Variants in SYTL2 observed in about 807,000 individuals in gnomAD.
SYTL2 encodes synaptotagmin like 2, also known as synaptotagmin-like protein 2.
In SYTL2, 165 loss-of-function variants were observed where a neutral mutation model predicts 198.7. That is an observed-to-expected ratio of 0.83 (90% confidence interval 0.73 to 0.94). SYTL2 has a LOEUF of 0.94. Among genes scored for constraint, SYTL2 ranks in the 40% least tolerant of loss-of-function variants. The probability of loss-of-function intolerance (pLI) is 0.00; values close to 1 mark genes in which losing one functional copy is unlikely to be tolerated. For synonymous variants in SYTL2, 966 were observed against 917.7 expected, an observed-to-expected ratio of 1.05 and a Z score of -0.95; for missense variants, 2,835 against 2,582.8, an observed-to-expected ratio of 1.10 and a Z score of -2.12.
chr11:85,727,517 T>A lies in SYTL2; in HGVS notation c.1841A>T (p.Lys614Ile). The A allele has an allele frequency of 4.6e-6, 7 of 1,536,068 alleles. No individual in the cohort carries two copies. The highest frequency in any genetic ancestry group is 6.1e-6 in the Non-Finnish European group (7 of 1,146,884). Residue 614 changes from lysine to isoleucine, a missense_variant, in exon 8 of 20, where the codon AAA (lysine) becomes ATA (isoleucine). Physicochemically the swap from Lys to Ile is moderately radical, Grantham distance 102. This residue lies in a region of SYTL2 where 2,645 missense variants were observed against 2,381.7 expected (regional missense o/e 1.11). Coordinates refer to ENST00000359152, the MANE Select transcript of SYTL2 (RefSeq NM_206927.4). ...CQDNNVNIKS[K>I]FMNLSQKGTP... ...GCCTTTTTGGGACAAATTCATGAAT[T>A]TGGATTTGATATTCACATTATTATC...
chr11:85,699,965 G>T (rs1046795712), intron 17 of SYTL2, among the ~76,000 whole-genome samples: 1 of 152,118 alleles, frequency 6.6e-6, no homozygotes, highest in Non-Finnish European at 1.5e-5. Context: ...AGAACACTCA[G>T]GTTCTATTCT....
At chr11:85,695,484 A>G (rs2083286182) in intron 19 of SYTL2, 144 bp from the exon 20 acceptor site, 2 of 563,348 alleles carry the variant, frequency 3.6e-6, no homozygotes, top group East Asian at 5.8e-5. Context: ...ACTCAACATA[A>G]GGAAGAACTG....
intron 1 of SYTL2, among the ~76,000 whole-genome samples, chr11:85,797,857 T>C (rs1218597069): frequency 6.6e-6 from 1 of 151,812 alleles, no homozygotes; most frequent in Non-Finnish European, 1.5e-5. Flanking sequence ...GTTGTTGTTG[T>C]TGTTCTTGCT....
the SYTL2 span, among the ~76,000 whole-genome samples, chr11:85,833,092 AAAGAAAGAAGG>A: frequency 1.1e-4 from 6 of 55,956 alleles, 2 homozygotes; most frequent in Non-Finnish European, 2.1e-4. Flanking sequence ...AGAAAGAAAG[AAAGAAAGAAGG>A]AAGGAAGGAA....
Position 85,711,206 on chromosome 11 carries a change from T to G in SYTL2, c.5652A>C (p.Ala1884=), listed in dbSNP as rs752184614. The change falls in exon 13 of 20, where the codon GCA becomes GCC. Residue 1884 remains alanine (A), a synonymous_variant. Transcript: ENST00000359152. ...DESDDRETDT[A]SESSYQLSRH... ...TGCTGAGCTGGTAACTGCTTTCTGA[T>G]GCTGTATCTGTTTCTCTGTCATCAC... The G allele has an allele frequency of 6.2e-7, 1 of 1,614,134 alleles. No homozygotes were observed. Among genetic ancestry groups the G allele is most frequent in the Non-Finnish European group, 8.5e-7 (1 of 1,179,962 alleles).
intron 4 of SYTL2, among the ~76,000 whole-genome samples, chr11:85,739,872 G>A (rs2090654806): frequency 6.6e-6 from 1 of 152,158 alleles, no homozygotes; most frequent in Admixed American, 6.5e-5. Context: ...CATTAAAGCA[G>A]TGGCTTGTGG....
chr11:85,705,996 A>T (rs2085080500), intron 15 of SYTL2, among the ~76,000 whole-genome samples: 1 of 152,224 alleles, frequency 6.6e-6, no homozygotes, highest in Non-Finnish European at 1.5e-5. Context: ...AGAAAGAGGG[A>T]ATGAACAACA....
chr11:85,749,947 G>A (rs559906131), intron 2 of SYTL2, among the ~76,000 whole-genome samples: 2 of 152,128 alleles, frequency 1.3e-5, no homozygotes, highest in African/African-American at 2.4e-5. Flanking sequence ...CAGAGTGGAG[G>A]AATATCAGAT....
intron 11 of SYTL2, chr11:85,715,269 T>C (rs1036365768): frequency 2.0e-5 from 3 of 152,148 alleles, no homozygotes; most frequent in Non-Finnish European, 4.4e-5. Flanking sequence ...GTTAGAAAAC[T>C]ATTTTCTTCT....
At chr11:85,845,423 G>A in the SYTL2 span, among the ~76,000 whole-genome samples, 1 of 152,120 alleles carries the variant, frequency 6.6e-6, no homozygotes, top group Non-Finnish European at 1.5e-5. Flanking sequence ...GTAATTTGTT[G>A]TGCAATAATA....
At chr11:85,785,632 A>G (rs1322590342) in intron 1 of SYTL2, among the ~76,000 whole-genome samples, 1 of 152,204 alleles carries the variant, frequency 6.6e-6, no homozygotes, top group African/African-American at 2.4e-5. Context: ...AGAATTAAAG[A>G]AGGTATACTC....
intron 8 of SYTL2, among the ~76,000 whole-genome samples, chr11:85,722,064 TTTAGG>T (rs2153456471): frequency 6.6e-6 from 1 of 152,252 alleles, no homozygotes; most frequent in East Asian, 1.9e-4. Context: ...AAAATAATAA[TTTAGG>T]TTAGAGTATA....
At chr11:85,771,321 G>T (rs931324642) in intron 1 of SYTL2, among the ~76,000 whole-genome samples, 6 of 152,212 alleles carry the variant, frequency 3.9e-5, no homozygotes, top group African/African-American at 1.4e-4. Flanking sequence ...TCTTAAAATG[G>T]AAACTTGGCA....
At chr11:85,804,822 C>T (rs755968283) in intron 1 of SYTL2, among the ~76,000 whole-genome samples, 1 of 152,180 alleles carries the variant, frequency 6.6e-6, no homozygotes, top group Non-Finnish European at 1.5e-5. Flanking sequence ...AGCAGTAGAT[C>T]TATCATATTT....
At position 85,718,844 on chromosome 11, in the gene SYTL2, C is replaced by T. The variant is rs934800258; in HGVS notation, c.5429-1G>A. On this transcript the variant is annotated splice_acceptor_variant, in intron 9 of 19. Transcript: ENST00000359152. LOFTEE classifies it high-confidence loss of function. Reference sequence around the variant, plus strand: ...GGCTGATTATCTACTTTTGCTTGATCTGTTCAGAAGAAATTAACAAATGGT... The same window carrying T: ...GGCTGATTATCTACTTTTGCTTGATTTGTTCAGAAGAAATTAACAAATGGT... The T allele has an allele frequency of 6.8e-6, 11 of 1,613,500 alleles. 1 individual carries two copies. In the East Asian group the frequency reaches 2.2e-4, roughly 33 times the overall value.
At chr11:85,761,972 A>AG in intron 1 of SYTL2, among the ~76,000 whole-genome samples, 1 of 152,128 alleles carries the variant, frequency 6.6e-6, no homozygotes, top group East Asian at 1.9e-4. Flanking sequence ...GGTAGGTCTT[A>AG]TTATCTGTGT....
intron 1 of SYTL2, among the ~76,000 whole-genome samples, chr11:85,803,197 T>C (rs546836995): frequency 6.6e-6 from 1 of 152,378 alleles, no homozygotes; most frequent in South Asian, 2.1e-4. Flanking sequence ...GAATGCATAT[T>C]ATAAAACTGT....
chr11:85,843,952 A>C, the SYTL2 span, among the ~76,000 whole-genome samples: 1 of 152,220 alleles, frequency 6.6e-6, no homozygotes, highest in Admixed American at 6.5e-5. Context: ...AAGCATCAAC[A>C]AAGTGTGGTT....
At chr11:85,766,753 C>T (rs2092249873) in intron 1 of SYTL2, among the ~76,000 whole-genome samples, 1 of 152,256 alleles carries the variant, frequency 6.6e-6, no homozygotes, top group African/African-American at 2.4e-5. Flanking sequence ...CTGAACAAGC[C>T]CAAGAAGTCT....
Sources: allele counts gnomAD v4.1 joint callset (sites outside exome capture counted in the v4.1 genomes callset), GRCh38; gene constraint gnomAD v4.1.1; regional missense constraint gnomAD v4.1.1; transcripts MANE v1.5; gene names NCBI Gene and HGNC (gene_info 2026-07-23, HGNC 2026-07-21).